The following ST7 variants were observed in gnomAD, a reference collection of about 807,000 sequenced individuals.
ST7 encodes suppression of tumorigenicity 7, also known as suppressor of tumorigenicity 7 protein.
Under a neutral mutation model 78.7 loss-of-function variants are expected in ST7, and 28 were observed. The observed-to-expected ratio is 0.36, with a 90% confidence interval of 0.26 to 0.49. The LOEUF (loss-of-function observed/expected upper bound fraction) is 0.49, where lower values mean the gene tolerates loss of function less well. ST7 is among the 20% of genes least tolerant of loss of function. The probability of loss-of-function intolerance (pLI) is 0.99; values close to 1 mark genes in which losing one functional copy is unlikely to be tolerated. For missense variants in ST7, 418 were observed against 696.0 expected (o/e 0.60, Z 4.49); for synonymous variants, 247 against 249.6 (o/e 0.99, Z 0.10).
chr7:116,960,250 C>G (rs925181693), intron 1 of ST7, among the ~76,000 whole-genome samples: 1 of 151,866 alleles, frequency 6.6e-6, no homozygotes, highest in Admixed American at 6.6e-5. Flanking sequence ...AGTGCAGGGA[C>G]GGGATCTCAG....
intron 15 of ST7, chr7:117,223,129 T>C (rs193021868): frequency 4.3e-5 from 27 of 632,090 alleles, no homozygotes; most frequent in African/African-American, 3.8e-4. Context: ...GTCTCGGCCT[T>C]CACAATCTGT....
At chr7:116,979,547 T>G (rs1472282256) in intron 1 of ST7, among the ~76,000 whole-genome samples, 1 of 152,230 alleles carries the variant, frequency 6.6e-6, no homozygotes, top group Non-Finnish European at 1.5e-5. Flanking sequence ...TCAAGGCTCT[T>G]AATAGTCTTC....
At chr7:116,983,955 A>G (rs1794079943) in intron 1 of ST7, among the ~76,000 whole-genome samples, 1 of 152,156 alleles carries the variant, frequency 6.6e-6, no homozygotes, top group Non-Finnish European at 1.5e-5. Context: ...CTAAGCTCTC[A>G]TCTATTTGTC....
intron 1 of ST7, among the ~76,000 whole-genome samples, chr7:116,963,126 T>G (rs1414374259): frequency 6.6e-6 from 1 of 152,214 alleles, no homozygotes; most frequent in Non-Finnish European, 1.5e-5. Context: ...ATAGAATCTT[T>G]TTTATCCTCG....
intron 1 of ST7, among the ~76,000 whole-genome samples, chr7:117,057,584 G>A (rs764186618): frequency 5.9e-5 from 9 of 152,138 alleles, no homozygotes; most frequent in Non-Finnish European, 1.2e-4. Context: ...TTGACTTCAA[G>A]TGCTCAAACA....
intron 14 of ST7, among the ~76,000 whole-genome samples, chr7:117,220,771 C>T (rs193593): frequency 0.58 from 88,098 of 151,980 alleles, 27,564 homozygotes; most frequent in East Asian, 0.89. Flanking sequence ...TATAGCCACA[C>T]GAGGCCCTGA....
intron 1 of ST7, chr7:117,022,887 A>G (rs897566159): frequency 2.6e-5 from 4 of 152,100 alleles, no homozygotes; most frequent in Admixed American, 2.0e-4. Context: ...ATTTTTGCCC[A>G]TGTTTATACC....
At chr7:117,206,742 A>T (rs1287987782) in intron 12 of ST7, among the ~76,000 whole-genome samples, 2 of 152,206 alleles carry the variant, frequency 1.3e-5, no homozygotes, top group Non-Finnish European at 2.9e-5. Flanking sequence ...GTATATTTTC[A>T]GTCAGTAGCT....
intron 3 of ST7, among the ~76,000 whole-genome samples, chr7:117,126,895 A>G (rs1350986761): frequency 6.6e-6 from 1 of 151,940 alleles, no homozygotes; most frequent in Non-Finnish European, 1.5e-5. Flanking sequence ...AGTGCTATTC[A>G]ATATTTGCTG....
At chr7:116,973,926 A>T (rs1262357481) in intron 1 of ST7, among the ~76,000 whole-genome samples, 2 of 152,258 alleles carry the variant, frequency 1.3e-5, no homozygotes, top group Non-Finnish European at 2.9e-5. Context: ...TATTTGATTT[A>T]TCAAGGGAAA....
At chr7:117,143,239 T>C (rs763599186) in intron 9 of ST7, among the ~76,000 whole-genome samples, 19 of 152,172 alleles carry the variant, frequency 1.2e-4, no homozygotes, top group Non-Finnish European at 2.6e-4. Context: ...TTCCCCGGTC[T>C]TTTTGCAGTT....
intron 1 of ST7, among the ~76,000 whole-genome samples, chr7:117,096,049 C>G (rs111808562): frequency 2.3e-4 from 24 of 106,046 alleles, no homozygotes; most frequent in African/African-American, 8.9e-4. Flanking sequence ...GCCTGGGCAA[C>G]AGAGCGAGAT....
intron 1 of ST7, chr7:117,020,396 T>C: frequency 2.2e-6 from 1 of 461,484 alleles, no homozygotes; most frequent in Non-Finnish European, 3.5e-6. Flanking sequence ...TAAGAGACCT[T>C]GCATTTCAAT....
At chr7:117,099,633 C>T in intron 1 of ST7, 129 bp from the exon 2 acceptor site, 1 of 644,558 alleles carries the variant, frequency 1.6e-6, no homozygotes, top group Non-Finnish European at 2.6e-6. Context: ...TGGGATCTTA[C>T]TATGGTTCTA....
chr7:117,165,698 A>T (rs990278111), intron 9 of ST7, among the ~76,000 whole-genome samples: 2 of 152,134 alleles, frequency 1.3e-5, no homozygotes, highest in African/African-American at 4.8e-5. Context: ...GATGATTGTG[A>T]CAAGGACTCT....
In ST7 at chr7:117,189,383, G is replaced by A; in HGVS notation, c.1141G>A (p.Val381Ile). 6.2e-7 allele frequency: 1 copy of A among 1,603,856 alleles called. No individual in the cohort carries two copies. ...AGCTGCTTTGCTCAAAGCAAGAGCT[G>A]TCTCTGACAAGTAAGTGAATAATAG... ...YTAALLKARAVSDKFSPEAAS... is the reference protein window; with the variant it reads ...YTAALLKARAISDKFSPEAAS... Residue 381 changes from valine to isoleucine, a missense_variant, in exon 11 of 16, where the codon GTC (valine) becomes ATC (isoleucine). Transcript: ENST00000323984.
chr7:117,183,382 G>A (rs1297859450), intron 10 of ST7, among the ~76,000 whole-genome samples: 1 of 151,336 alleles, frequency 6.6e-6, no homozygotes, highest in Non-Finnish European at 1.5e-5. Flanking sequence ...GGGAGATTGT[G>A]CTACTGCACT....
intron 12 of ST7, among the ~76,000 whole-genome samples, chr7:117,200,836 A>T (rs866964594): frequency 0.033 from 4,681 of 143,202 alleles, 248 homozygotes; most frequent in African/African-American, 0.13. Context: ...TTTTTTTTTA[A>T]AAAAAAAAGA....
At chr7:117,078,179 A>G (rs1473236873) in intron 1 of ST7, among the ~76,000 whole-genome samples, 1 of 152,216 alleles carries the variant, frequency 6.6e-6, no homozygotes, top group East Asian at 1.9e-4. Context: ...AAGGGACTGA[A>G]GGACAGAGAG....
Sources: gnomAD v4.1 joint callset for allele counts (sites outside exome capture counted in the v4.1 genomes callset) on GRCh38, gnomAD v4.1.1 for gene constraint, MANE v1.5 for transcripts, NCBI Gene and HGNC (gene_info 2026-07-23, HGNC 2026-07-21) for gene names.